Variants in ANKRD11 observed in about 807,000 individuals in gnomAD.
The protein encoded by ANKRD11 is ankyrin repeat domain-containing protein 11.
ANKRD11 carries 17 observed loss-of-function variants against 195.7 expected under a neutral mutation model. The ratio of observed to expected loss-of-function variants is 0.09; its 90% CI spans 0.06 to 0.13. The LOEUF (loss-of-function observed/expected upper bound fraction) is 0.13, where lower values mean the gene tolerates loss of function less well. ANKRD11 is among the 10% of genes least tolerant of loss of function. The probability of loss-of-function intolerance (pLI) is 1.00; values close to 1 mark genes in which losing one functional copy is unlikely to be tolerated. For synonymous variants in ANKRD11, 1,953 were observed against 1,528.1 expected, an observed-to-expected ratio of 1.28 and a Z score of -6.49; for missense variants, 3,735 against 3,566.1, an observed-to-expected ratio of 1.05 and a Z score of -1.21.
rs1555577285 is a variant in ANKRD11 at position 89,432,990 on chromosome 16, C to CT, written c.-144-14623_-144-14622insA. 1.0e-3 allele frequency among the ~76,000 whole-genome samples: 129 copies of CT among 128,986 alleles called. 1 individual carries two copies. The highest frequency in any genetic ancestry group is 4.4e-3 in the African/African-American group (126 of 28,812). The allele number at this position is 128,986 out of a possible 152,430, so 84.6% of individuals were successfully genotyped here. A position where few individuals can be genotyped will look rare whatever the true frequency, so the allele number is the denominator to read the frequency against. On this transcript the variant is annotated intron_variant, in intron 1 of 12. Transcript: ENST00000301030. Reference sequence around the variant, plus strand: ...TCTCTCTCTCTCTCTCTCTCTCTCTCCTCTCTCTCACACACACACACACAC... The same window carrying CT: ...TCTCTCTCTCTCTCTCTCTCTCTCTCTCTCTCTCTCACACACACACACACAC...
At chr16:89,457,874 A>C (rs1257747318) in intron 1 of ANKRD11, among the ~76,000 whole-genome samples, 1 of 152,214 alleles carries the variant, frequency 6.6e-6, no homozygotes, top group African/African-American at 2.4e-5. Flanking sequence ...TGTGAAACAC[A>C]CAAGTGTGGA....
chr16:89,359,409 G>A (rs1282808761), intron 2 of ANKRD11, among the ~76,000 whole-genome samples: 1 of 152,222 alleles, frequency 6.6e-6, no homozygotes, highest in Non-Finnish European at 1.5e-5. Flanking sequence ...CCCCAGCAGA[G>A]GAGCAGGAAG....
At chr16:89,399,165 A>G (rs1017501951) in intron 2 of ANKRD11, among the ~76,000 whole-genome samples, 4 of 152,184 alleles carry the variant, frequency 2.6e-5, no homozygotes, top group Non-Finnish European at 5.9e-5. Context: ...GAGTCCACGC[A>G]AGGACACCTC....
In ANKRD11 at chr16:89,426,529, TCA is replaced by T. The variant is rs55664494; in HGVS notation, c.-144-8163_-144-8162del. The stretch of plus-strand genomic sequence containing the variant: ...AGAGGCTCTGATGGTCACTTAAACA[TCA>T]CACACACACACACACACACACACAC... On this transcript the variant is annotated intron_variant, in intron 1 of 12. Transcript: ENST00000301030. Among the ~76,000 whole-genome samples, 1,197 of 142,320 alleles carry T rather than the reference TCA, an allele frequency of 8.4e-3. 10 individuals are homozygous for T. The highest frequency in any genetic ancestry group is 0.021 in the African/African-American group (794 of 38,066). The allele number at this position is 142,320 out of a possible 152,430, so 93.4% of individuals were successfully genotyped here. A position where few individuals can be genotyped will look rare whatever the true frequency, so the allele number is the denominator to read the frequency against.
intron 6 of ANKRD11, among the ~76,000 whole-genome samples, chr16:89,289,797 T>G (rs560130973): frequency 6.6e-6 from 1 of 152,302 alleles, no homozygotes; most frequent in Admixed American, 6.5e-5. Flanking sequence ...TCCCAGCACT[T>G]TGGGAAGCCA....
At chr16:89,319,609 G>A (rs1461811177) in intron 2 of ANKRD11, among the ~76,000 whole-genome samples, 2 of 152,186 alleles carry the variant, frequency 1.3e-5, no homozygotes, top group Admixed American at 6.5e-5. Context: ...TCGAGGCCCT[G>A]CAACCCCAGC....
At position 89,283,175 on chromosome 16, in the gene ANKRD11, T is replaced by C; in HGVS notation, c.3367A>G (p.Ser1123Gly). Residue 1123 changes from serine (S) to glycine (G), a missense_variant, in exon 9 of 13, where the codon AGT becomes GGT. By Grantham distance (56) the Ser-to-Gly change is moderately conservative. Coordinates refer to ENST00000301030, the MANE Select transcript of ANKRD11 (RefSeq NM_013275.6). The surrounding 1 kb of genome is among the most constrained non-coding windows in gnomAD (Gnocchi z 4.3). ...WYIADIFTDE[S>G]EDDRDSCMGS... ...ATGCAGCTGTCTCTGTCGTCCTCAC[T>C]CTCATCTGTGAAGATGTCTGCGATG... 6.2e-7 allele frequency: 1 copy of C among 1,614,090 alleles called. No homozygotes were observed. Among genetic ancestry groups the C allele is most frequent in the African/African-American group, 1.3e-5 (1 of 75,016 alleles).
At chr16:89,351,146 G>C (rs1419190274) in intron 2 of ANKRD11, among the ~76,000 whole-genome samples, 2 of 152,240 alleles carry the variant, frequency 1.3e-5, no homozygotes, top group South Asian at 4.1e-4. Context: ...ACGATGGCGG[G>C]CACAAGAGCT....
chr16:89,308,500 G>C (rs985859155), intron 3 of ANKRD11, among the ~76,000 whole-genome samples: 1 of 152,110 alleles, frequency 6.6e-6, no homozygotes, highest in African/African-American at 2.4e-5. Flanking sequence ...ATAAGACAAC[G>C]AACACCTGAA....
chr16:89,288,962 A>G (rs1597478758), intron 6 of ANKRD11: 2 of 528,460 alleles, frequency 3.8e-6, no homozygotes, highest in Non-Finnish European at 6.9e-6. Context: ...ATCAGTGAAC[A>G]CACAGTGTAG....
In ANKRD11 at chr16:89,291,203, G is replaced by A. The variant is rs770767142; in HGVS notation, c.227-20C>T. 6.2e-7 allele frequency: 1 copy of A among 1,611,622 alleles called. No homozygotes were observed. The highest frequency in any genetic ancestry group is 1.1e-5 in the South Asian group (1 of 91,074). On this transcript the variant is annotated intron_variant, in intron 4 of 12. Transcript: ENST00000301030. This position sits in a 1 kb window ranked among gnomAD's most constrained non-coding sequence, Gnocchi z 5.3. The stretch of plus-strand genomic sequence containing the variant: ...GCTTCTCTGTGAGGCGGGCGAGGGA[G>A]AGAGGGAGGAGAGATTTCATGCCAT...
intron 4 of ANKRD11, among the ~76,000 whole-genome samples, chr16:89,304,456 A>G (rs2036044602): frequency 6.6e-6 from 1 of 151,574 alleles, no homozygotes; most frequent in African/African-American, 2.4e-5. Context: ...AAGCATACAC[A>G]TACTCAGGCA....
chr16:89,285,795 A>T lies in ANKRD11; in HGVS notation c.893-146T>A. ...ACACTTTGCTCGACTCATGGAAACCAGCCACAGGCAGGAGGAAACCAGACA... is the reference window on the plus strand; with the variant it reads ...ACACTTTGCTCGACTCATGGAAACCTGCCACAGGCAGGAGGAAACCAGACA... On this transcript the variant is annotated intron_variant, in intron 8 of 12. Coordinates refer to ENST00000301030, the MANE Select transcript of ANKRD11 (RefSeq NM_013275.6). This position sits in a 1 kb window ranked among gnomAD's most constrained non-coding sequence, Gnocchi z 5.6. 9.2e-7 allele frequency: 1 copy of T among 1,090,448 alleles called. No individual in the cohort carries two copies. The highest frequency in any genetic ancestry group is 1.4e-6 in the Non-Finnish European group (1 of 736,338). The allele number at this position is 1,090,448 out of a possible 1,614,324, so 67.5% of individuals were successfully genotyped here. A position where few individuals can be genotyped will look rare whatever the true frequency, so the allele number is the denominator to read the frequency against.
At chr16:89,337,831 CAGCAA>C (rs2038451857) in intron 2 of ANKRD11, among the ~76,000 whole-genome samples, 1 of 152,176 alleles carries the variant, frequency 6.6e-6, no homozygotes, top group Non-Finnish European at 1.5e-5. Context: ...AGGCTGGAGT[CAGCAA>C]TGCCTGTTCC....
chr16:89,367,521 T>C (rs1597803539), intron 2 of ANKRD11, among the ~76,000 whole-genome samples: 1 of 152,294 alleles, frequency 6.6e-6, no homozygotes, highest in East Asian at 1.9e-4. Flanking sequence ...CGCTCCCTCT[T>C]AGGCCACGGC....
intron 9 of ANKRD11, among the ~76,000 whole-genome samples, chr16:89,275,404 G>A (rs1042008852): frequency 6.6e-5 from 10 of 152,242 alleles, no homozygotes; most frequent in Admixed American, 2.0e-4. Context: ...ACGGTGCCCC[G>A]TACAGCACCA....
chr16:89,268,493 T>A lies in ANKRD11; in HGVS notation c.7977A>T (p.Val2659=), dbSNP rs756775535. The part of the protein sequence containing the change: ...VPMVDVNDDF[V]LLPA ...TCCCGCGGTGTCATGCCGGCAACAATACAAAGTCGTCGTTGACGTCGACCA... is the reference window on the plus strand; with the variant it reads ...TCCCGCGGTGTCATGCCGGCAACAAAACAAAGTCGTCGTTGACGTCGACCA... The change falls in exon 13 of 13, where the codon GTA becomes GTT. Residue 2659 remains valine, a synonymous_variant. Transcript: ENST00000301030. 17 of 1,348,356 alleles carry A rather than the reference T, an allele frequency of 1.3e-5. 1 individual carries two copies. The South Asian group carries it at 2.0e-4, about 16-fold the overall frequency. The allele number at this position is 1,348,356 out of a possible 1,614,324, so 83.5% of individuals were successfully genotyped here.
rs60520302 is a variant in ANKRD11, at chr16:89,280,475, C to G, written c.6067G>C (p.Ala2023Pro). Residue 2023 changes from alanine to proline, a missense_variant, in exon 9 of 13, where the codon GCC (alanine) becomes CCC (proline). Transcript: ENST00000301030. Reference sequence around the variant, plus strand: ...TCAGCGACGGGCAGAGCGTACGGGGCAGGAGAGGCGGGAGGGGCGGGGTAC... The same window carrying G: ...TCAGCGACGGGCAGAGCGTACGGGGGAGGAGAGGCGGGAGGGGCGGGGTAC... ...APYPAPPASP[A>P]PYALPVAEPG... 64,605 of 1,602,602 alleles carry G rather than the reference C, an allele frequency of 0.04. 1,621 individuals carry two copies. Among genetic ancestry groups the G allele is most frequent in the East Asian group, 0.066 (2,949 of 44,502 alleles).
chr16:89,434,298 C>A (rs1279444097), intron 1 of ANKRD11, among the ~76,000 whole-genome samples: 1 of 152,156 alleles, frequency 6.6e-6, no homozygotes, highest in African/African-American at 2.4e-5. Flanking sequence ...AAAAAAATCA[C>A]TGATCTAGCC....
Sources: allele counts gnomAD v4.1 joint callset (sites outside exome capture counted in the v4.1 genomes callset), GRCh38; gene constraint gnomAD v4.1.1; non-coding constraint Gnocchi (gnomAD v3.1); transcripts MANE v1.5; gene names NCBI Gene and HGNC (gene_info 2026-07-23, HGNC 2026-07-21).